The following ESYT3 variants were observed in gnomAD, a reference collection of about 807,000 sequenced individuals.
ESYT3 encodes extended synaptotagmin-3.
In ESYT3, 101 loss-of-function variants were observed where a neutral mutation model predicts 111.5. The observed-to-expected ratio is 0.91, with a 90% confidence interval of 0.77 to 1.07. The LOEUF is 1.07. Ranked by LOEUF, ESYT3 falls within the 50% of genes least tolerant of loss-of-function variation. The pLI, the probability that ESYT3 is intolerant of heterozygous loss-of-function variation, is 0.00. For synonymous variants in ESYT3, 416 were observed against 446.8 expected (o/e 0.93, Z 0.87); for missense variants, 1,097 against 1,109.4 (o/e 0.99, Z 0.16).
intron 1 of ESYT3, among the ~76,000 whole-genome samples, chr3:138,439,401 C>T (rs540729296): frequency 1.3e-5 from 2 of 152,288 alleles, no homozygotes; most frequent in East Asian, 3.9e-4. Flanking sequence ...CCTGTGGGTT[C>T]TCGGAGTCCC....
chr3:138,468,289 C>T (rs2033037526), intron 12 of ESYT3, 95 bp downstream of exon 12: 2 of 1,146,194 alleles, frequency 1.7e-6, no homozygotes, highest in South Asian at 2.6e-5. Flanking sequence ...GATGATGCCC[C>T]CTTCTTGCTC....
In ESYT3 at chr3:138,435,212, C is replaced by A; in HGVS notation, c.327+87C>A. On this transcript the variant is annotated intron_variant, in intron 1 of 22. Transcript: ENST00000389567. The surrounding 1 kb of genome is among the most constrained non-coding windows in gnomAD (Gnocchi z 4.8). ...GCGGTCAGCGGGGAGCTGGTGCGCG[C>A]AAACCCGAGGCAGGGCGGGAGCCCG... is the stretch of plus-strand genomic sequence containing the variant. 7.5e-7 allele frequency: 1 copy of A among 1,326,486 alleles called. No homozygotes were observed. The highest frequency in any genetic ancestry group is 1.0e-6 in the Non-Finnish European group (1 of 987,830). The allele number at this position is 1,326,486 out of a possible 1,614,324, so 82.2% of individuals were successfully genotyped here. A position where few individuals can be genotyped will look rare whatever the true frequency, so the allele number is the denominator to read the frequency against.
Position 138,464,423 on chromosome 3 carries a change from G to C in ESYT3, c.994G>C (p.Asp332His), listed in dbSNP as rs1352237468. The C allele has an allele frequency of 6.2e-7, 1 of 1,614,050 alleles. No homozygotes were observed. The highest frequency in any genetic ancestry group is 8.5e-7 in the Non-Finnish European group (1 of 1,180,030). Residue 332 changes from aspartate to histidine, a missense_variant, in exon 9 of 23, where the codon GAT becomes CAT. Physicochemically the swap from Asp to His is moderately conservative, Grantham distance 81. Transcript: ENST00000389567. ...DNFLGLRGKS[D>H]PYAKVSIGLQ... ...CTTTCTGGGGCTCCGAGGCAAGTCA[G>C]ATCCCTACGCCAAGGTGAGCATCGG...
intron 3 of ESYT3, among the ~76,000 whole-genome samples, chr3:138,456,213 C>T (rs2032268545): frequency 6.6e-6 from 1 of 152,250 alleles, no homozygotes; most frequent in Admixed American, 6.5e-5. Flanking sequence ...GTTTCATTCA[C>T]CTGTGACTTA....
chr3:138,467,432 T>C, intron 10 of ESYT3, 129 bp from the exon 11 acceptor site: 1 of 916,046 alleles, frequency 1.1e-6, no homozygotes, highest in Non-Finnish European at 1.8e-6. Flanking sequence ...CATTGGTTCC[T>C]TGGGGTAAGA....
At chr3:138,458,657 C>T (rs1028263721) in intron 4 of ESYT3, among the ~76,000 whole-genome samples, 10 of 152,212 alleles carry the variant, frequency 6.6e-5, no homozygotes, top group South Asian at 4.1e-4. Flanking sequence ...CATCACCTGG[C>T]GAGAGCCACT....
At chr3:138,441,582 C>G (rs993882679) in intron 1 of ESYT3, among the ~76,000 whole-genome samples, 1 of 152,136 alleles carries the variant, frequency 6.6e-6, no homozygotes, top group Admixed American at 6.5e-5. Flanking sequence ...CACAACCCAG[C>G]TACCTCAGGG....
In ESYT3 at chr3:138,470,150, T is replaced by A. The variant is rs1219350394; in HGVS notation, c.1590+4T>A. 8.1e-6 allele frequency: 13 copies of A among 1,610,926 alleles called. No homozygotes were observed. The South Asian group carries it at 1.4e-4, about 18-fold the overall frequency. On this transcript the variant is annotated splice_donor_region_variant and intron_variant, in intron 16 of 22. Transcript: ENST00000389567. The stretch of plus-strand genomic sequence containing the variant: ...CACTGAGCGGCTCCATCTGAAGGTT[T>A]GATGGAAGAAGGGCTCTTGAAACAG...
At chr3:138,452,119 C>T (rs811794) in intron 2 of ESYT3, 30 bp downstream of exon 2, 3 of 1,604,336 alleles carry the variant, frequency 1.9e-6, no homozygotes, top group East Asian at 2.2e-5. Flanking sequence ...CTAGCAGGGC[C>T]GGACGCATGC....
At position 138,434,855 on chromosome 3, in the gene ESYT3, C is replaced by T. The variant is rs1198625147; in HGVS notation, c.57C>T (p.Arg19=). Residue 19 remains arginine, a synonymous_variant, in exon 1 of 23, where the codon CGC becomes CGT. Coordinates refer to ENST00000389567, the MANE Select transcript of ESYT3 (RefSeq NM_031913.5). ...CCCCCAGCGCCCTGGGAGCCCAGCG[C>T]ACGCCGGGCCCCGAGCTGCGCCTGT... The part of the protein sequence containing the change: ...PGAPSALGAQ[R]TPGPELRLSS... The T allele has an allele frequency of 6.5e-7, 1 of 1,549,556 alleles. No individual in the cohort carries two copies. Among genetic ancestry groups the T allele is most frequent in the Non-Finnish European group, 8.7e-7 (1 of 1,146,936 alleles).
intron 7 of ESYT3, 112 bp from the exon 8 acceptor site, chr3:138,461,974 G>C: frequency 1.3e-6 from 2 of 1,523,160 alleles, no homozygotes; most frequent in Non-Finnish European, 9.0e-7. Flanking sequence ...CTGTTCTCTA[G>C]GTGGGGCCCA....
At chr3:138,452,021 A>G (rs201706325) in intron 1 of ESYT3, 27 bp from the exon 2 acceptor site, 2 of 1,613,438 alleles carry the variant, frequency 1.2e-6, no homozygotes. Flanking sequence ...CTTCTAGTCT[A>G]ACTTCCCCTC....
intron 19 of ESYT3, 88 bp downstream of exon 19, chr3:138,473,722 C>G: frequency 2.8e-6 from 3 of 1,090,668 alleles, no homozygotes; most frequent in Non-Finnish European, 4.1e-6. Context: ...ATGAAAAGGG[C>G]ACATAGTCCC....
chr3:138,435,092 C>A lies in ESYT3; in HGVS notation c.294C>A (p.Ser98Arg). 1 of 1,589,874 alleles carries A rather than the reference C, an allele frequency of 6.3e-7. No individual in the cohort carries two copies. Among genetic ancestry groups the A allele is most frequent in the Non-Finnish European group, 8.5e-7 (1 of 1,170,720 alleles). The change falls in exon 1 of 23, where the codon AGC (serine) becomes AGA (arginine). Residue 98 changes from serine (S) to arginine (R), a missense_variant. Ser to Arg is a moderately radical substitution (Grantham distance 110, BLOSUM62 -1). Coordinates refer to ENST00000389567, the MANE Select transcript of ESYT3 (RefSeq NM_031913.5). This position sits in a 1 kb window ranked among gnomAD's most constrained non-coding sequence, Gnocchi z 4.8. The part of the protein sequence containing the change: ...EFLDNEREFI[S>R]RELRGQHLPA... Reference sequence around the variant, plus strand: ...TTGACAATGAACGCGAGTTCATCAGCCGCGAGCTGCGGGGCCAGCACCTGC... The same window carrying A: ...TTGACAATGAACGCGAGTTCATCAGACGCGAGCTGCGGGGCCAGCACCTGC...
Position 138,477,072 on chromosome 3 carries a change from T to A in ESYT3, c.*218T>A, listed in dbSNP as rs1327876243. 3 of 426,276 alleles carry A rather than the reference T, an allele frequency of 7.0e-6. No homozygotes were observed. The highest frequency in any genetic ancestry group is 1.2e-5 in the Non-Finnish European group (3 of 241,460). The allele number at this position is 426,276 out of a possible 1,614,324, so 26.4% of individuals were successfully genotyped here. A position where few individuals can be genotyped will look rare whatever the true frequency, so the allele number is the denominator to read the frequency against. ...AAAAGCAAGAACTACTTTTTTTGGT[T>A]GGATTTTTTTGTTCAAGTCCAGAAA... On this transcript the variant is annotated 3_prime_UTR_variant, in exon 23 of 23. Transcript: ENST00000389567.
At chr3:138,465,532 CCCTG>C in intron 10 of ESYT3, 111 bp downstream of exon 10, 3 of 808,468 alleles carry the variant, frequency 3.7e-6, no homozygotes, top group Non-Finnish European at 5.9e-6. Flanking sequence ...GCTGTGGTCA[CCCTG>C]ACATAGTGAC....
chr3:138,448,202 G>C (rs1448533317), intron 1 of ESYT3, among the ~76,000 whole-genome samples: 1 of 149,276 alleles, frequency 6.7e-6, no homozygotes, highest in Non-Finnish European at 1.5e-5. Context: ...AGTGGGTGGA[G>C]GTTGCAGTGA....
chr3:138,468,001 C>G (rs1576460083), intron 11 of ESYT3, 104 bp from the exon 12 acceptor site: 1 of 975,758 alleles, frequency 1.0e-6, no homozygotes, highest in African/African-American at 1.6e-5. Flanking sequence ...GGACAGGTTT[C>G]CCTGTCCCTA....
intron 11 of ESYT3, 117 bp from the exon 12 acceptor site, chr3:138,467,988 C>A: frequency 2.4e-6 from 2 of 845,896 alleles, no homozygotes; most frequent in Non-Finnish European, 3.8e-6. Flanking sequence ...TTTTCCCATA[C>A]TAGGACAGGT....
Sources: allele counts gnomAD v4.1 joint callset (sites outside exome capture counted in the v4.1 genomes callset), GRCh38; gene constraint gnomAD v4.1.1; non-coding constraint Gnocchi (gnomAD v3.1); transcripts MANE v1.5; gene names NCBI Gene and HGNC (gene_info 2026-07-23, HGNC 2026-07-21).